Variants in PML observed in about 807,000 individuals in gnomAD.
PML encodes the protein PML nuclear body scaffold, also known as protein PML.
PML carries 28 observed loss-of-function variants against 65.2 expected under a neutral mutation model. The observed-to-expected ratio is 0.43, with a 90% CI of 0.32 to 0.59. PML has a LOEUF of 0.59. Among genes scored for constraint, PML ranks in the 20% least tolerant of loss-of-function variants. PML has a pLI of 0.08. For synonymous variants in PML, 500 were observed against 508.8 expected (o/e 0.98, Z 0.23); for missense variants, 1,021 against 1,203.4 (o/e 0.85, Z 2.24).
chr15:74,033,969 C>T (rs2071431906), intron 6 of PML: 5 of 328,820 alleles, frequency 1.5e-5, no homozygotes, highest in African/African-American at 6.2e-5. Context: ...ATCTGCTTCA[C>T]CCAGAGTACA....
Position 74,035,580 on chromosome 15 carries a change from A to G in PML, c.1710+1050A>G. On this transcript the variant is annotated intron_variant, in intron 7 of 8. Coordinates refer to ENST00000268058, the MANE Select transcript of PML (RefSeq NM_033238.3). The surrounding 1 kb of genome is among the most constrained non-coding windows in gnomAD (Gnocchi z 4.1). ...CACAGGGCCCCTCAACCATCCTGCC[A>G]ATGCCCAGGAACATCCTGCCCAGCT... 1 of 1,611,850 alleles carries G rather than the reference A, an allele frequency of 6.2e-7. No individual in the cohort carries two copies. Among genetic ancestry groups the G allele is most frequent in the African/African-American group, 1.3e-5 (1 of 74,964 alleles).
At position 74,042,507 on chromosome 15, in the gene PML, A is replaced by G; in HGVS notation, c.1711-482A>G. ...TGGTGTTTCTTCTGAGTCTGCTCAGAAAGATGAAATTAGGAGCAGACATCT... is the reference window on the plus strand; with the variant it reads ...TGGTGTTTCTTCTGAGTCTGCTCAGGAAGATGAAATTAGGAGCAGACATCT... On this transcript the variant is annotated intron_variant, in intron 7 of 8. Coordinates refer to ENST00000268058, the MANE Select transcript of PML (RefSeq NM_033238.3). The surrounding 1 kb of genome is among the most constrained non-coding windows in gnomAD (Gnocchi z 5.3). The G allele has an allele frequency of 6.1e-6, 6 of 985,440 alleles. No individual in the cohort carries two copies. Among genetic ancestry groups the G allele is most frequent in the Non-Finnish European group, 6.0e-6 (5 of 829,936 alleles). 61.0% of individuals were successfully genotyped at this position (985,440 alleles called of 1,614,324 possible).
intron 2 of PML, among the ~76,000 whole-genome samples, chr15:74,014,385 G>T (rs1046985262): frequency 1.3e-5 from 2 of 151,790 alleles, no homozygotes; most frequent in East Asian, 4.0e-4. Context: ...AGGCAGTAGC[G>T]CAGTGGCGTG....
At chr15:74,041,891 A>G (rs1420904789) in intron 7 of PML, among the ~76,000 whole-genome samples, 1 of 152,204 alleles carries the variant, frequency 6.6e-6, no homozygotes, top group Non-Finnish European at 1.5e-5. Flanking sequence ...GGAAAAACCC[A>G]AGGCCTGCCC....
intron 2 of PML, among the ~76,000 whole-genome samples, chr15:73,999,556 C>T (rs565509571): frequency 1.3e-5 from 2 of 152,108 alleles, no homozygotes; most frequent in Non-Finnish European, 2.9e-5. Flanking sequence ...AGTGGCTTTC[C>T]ACTTGTTTAT....
intron 6 of PML, chr15:74,033,787 A>ACGGCG: frequency 3.5e-6 from 2 of 577,890 alleles, no homozygotes; most frequent in Non-Finnish European, 3.1e-6. Flanking sequence ...CCATGACCTT[A>ACGGCG]ACTCTGCTCT....
Position 73,994,867 on chromosome 15 carries a change from C to T in PML, c.55C>T (p.Gln19Ter). 6.4e-7 allele frequency: 1 copy of T among 1,558,850 alleles called. No individual in the cohort carries two copies. The highest frequency in any genetic ancestry group is 8.7e-7 in the Non-Finnish European group (1 of 1,150,776). Residue 19 changes from glutamine (Q) to a stop codon, truncating the protein, a stop_gained, in exon 1 of 9, where the codon CAG becomes TAG. Transcript: ENST00000268058. LOFTEE classifies it high-confidence loss of function. Reference sequence around the variant, plus strand: ...GCCCCAGCAGGACCCCGCCCGGCCCCAGGAGCCCACCATGCCTCCCCCCGA... The same window carrying T: ...GCCCCAGCAGGACCCCGCCCGGCCCTAGGAGCCCACCATGCCTCCCCCCGA... ...PRPQQDPARP[Q>*]EPTMPPPETP...
chr15:73,996,027 C>T (rs1477011367), intron 1 of PML, among the ~76,000 whole-genome samples: 2 of 152,222 alleles, frequency 1.3e-5, no homozygotes. Context: ...GCTGGGATTA[C>T]AGGCATGAGC....
Position 74,005,251 on chromosome 15 carries a change from C to T in PML, c.602+6775C>T, listed in dbSNP as rs559012920. ...TATTATTAGTAGAGACGGCGTTTCA[C>T]CATATTGGCCAGGCTGGTCTCGAAC... On this transcript the variant is annotated intron_variant, in intron 2 of 8. Transcript: ENST00000268058. 4.5e-4 allele frequency among the ~76,000 whole-genome samples: 68 copies of T among 151,410 alleles called. 1 individual carries two copies. In the South Asian group the frequency reaches 0.014, roughly 31 times the overall value.
rs2069597414 is a variant in PML, at chr15:73,998,251, A to G, written c.377A>G (p.Gln126Arg). Residue 126 changes from glutamine to arginine, a missense_variant, in exon 2 of 9, where the codon CAG (glutamine) becomes CGG (arginine). Coordinates refer to ENST00000268058, the MANE Select transcript of PML (RefSeq NM_033238.3). Reference sequence around the variant, plus strand: ...GTGTACCGGCAGATTGTGGATGCGCAGGCTGTGTGCACCCGCTGCAAAGAG... The same window carrying G: ...GTGTACCGGCAGATTGTGGATGCGCGGGCTGTGTGCACCCGCTGCAAAGAG... ...LSVYRQIVDAQAVCTRCKESA... is the reference protein window; with the variant it reads ...LSVYRQIVDARAVCTRCKESA... 4 of 1,614,166 alleles carry G rather than the reference A, an allele frequency of 2.5e-6. No individual in the cohort carries two copies. Among genetic ancestry groups the G allele is most frequent in the Non-Finnish European group, 3.4e-6 (4 of 1,180,014 alleles).
Position 74,044,520 on chromosome 15 carries a change from G to GC in PML, c.2163dup (p.Ser722GlnfsTer31). On this transcript the variant is annotated frameshift_variant, in exon 9 of 9. Transcript: ENST00000268058. LOFTEE classifies it low-confidence loss of function (END_TRUNC). ...TCTCATCCGGGAGCGTGTGCCCGGG[G>GC]CCAGCAGCTTCAAACTCAAGAACCT... 1.9e-6 allele frequency: 3 copies of GC among 1,613,932 alleles called. No individual in the cohort carries two copies. In the South Asian group the frequency reaches 3.3e-5, roughly 18 times the overall value.
rs1339696841 is a variant in PML, at chr15:73,998,237, G to C, written c.363G>C (p.Gln121His). ...SLQRRLSVYRQIVDAQAVCTR... is the reference protein window; with the variant it reads ...SLQRRLSVYRHIVDAQAVCTR... ...AGCGGCGCCTGTCGGTGTACCGGCA[G>C]ATTGTGGATGCGCAGGCTGTGTGCA... is the stretch of plus-strand genomic sequence containing the variant. Residue 121 changes from glutamine (Q) to histidine (H), a missense_variant, in exon 2 of 9, where the codon CAG becomes CAC. Coordinates refer to ENST00000268058, the MANE Select transcript of PML (RefSeq NM_033238.3). 1.2e-6 allele frequency: 2 copies of C among 1,614,236 alleles called. No individual in the cohort carries two copies. The highest frequency in any genetic ancestry group is 8.5e-7 in the Non-Finnish European group (1 of 1,180,044).
At chr15:74,011,995 A>T (rs1334598613) in intron 2 of PML, among the ~76,000 whole-genome samples, 2 of 152,232 alleles carry the variant, frequency 1.3e-5, no homozygotes, top group Non-Finnish European at 2.9e-5. Context: ...TTTAGAGTGT[A>T]TCTTAAGTAA....
At position 74,023,326 on chromosome 15, in the gene PML, G is replaced by T. The variant is rs1335358238; in HGVS notation, c.1101G>T (p.Leu367=). Residue 367 remains leucine, a synonymous_variant, in exon 3 of 9, where the codon CTG becomes CTT. Transcript: ENST00000268058. ...CRLRQEEPQS[L]QAAVRTDGFD... ...TGCGCCAGGAGGAGCCCCAGAGCCT[G>T]CAAGCTGCCGTGCGCACCGATGGCT... 5 of 1,606,928 alleles carry T rather than the reference G, an allele frequency of 3.1e-6. No homozygotes were observed. In the Admixed American group the frequency reaches 8.3e-5, roughly 27 times the overall value.
At chr15:74,026,882 C>G (rs2071102507) in intron 4 of PML, 1 of 152,000 alleles carries the variant, frequency 6.6e-6, no homozygotes, top group South Asian at 2.1e-4. Context: ...AAACTCCTGG[C>G]CTCAAGTGAT....
chr15:74,020,287 C>CTTTTTTT (rs1187914506), intron 2 of PML, among the ~76,000 whole-genome samples: 1 of 116,286 alleles, frequency 8.6e-6, no homozygotes. Flanking sequence ...TGACTTATTC[C>CTTTTTTT]TTTTTTTTTT....
At chr15:74,011,384 A>G (rs2070327423) in intron 2 of PML, among the ~76,000 whole-genome samples, 1 of 152,240 alleles carries the variant, frequency 6.6e-6, no homozygotes, top group African/African-American at 2.4e-5. Flanking sequence ...ACCTAAAGGC[A>G]AAGTCCAGTT....
At chr15:74,003,030 G>GT in intron 2 of PML, among the ~76,000 whole-genome samples, 1 of 152,216 alleles carries the variant, frequency 6.6e-6, no homozygotes, top group Middle Eastern at 3.4e-3. Context: ...GGAGGTGGAG[G>GT]TATTCCTCAG....
At chr15:74,034,149 C>T (rs1208225178) in intron 6 of PML, 1 of 440,532 alleles carries the variant, frequency 2.3e-6, no homozygotes, top group Non-Finnish European at 4.2e-6. Flanking sequence ...GGACAGTGTG[C>T]TTCTTTAGGA....
Sources: gnomAD v4.1 joint callset for allele counts (sites outside exome capture counted in the v4.1 genomes callset) on GRCh38, gnomAD v4.1.1 for gene constraint, Gnocchi (gnomAD v3.1) non-coding constraint, MANE v1.5 for transcripts, NCBI Gene and HGNC (gene_info 2026-07-23, HGNC 2026-07-21) for gene names.